The following NFATC1 variants were observed in gnomAD, a reference collection of about 807,000 sequenced individuals.
The protein encoded by NFATC1 is nuclear factor of activated T cells 1, also known as nuclear factor of activated T-cells, cytoplasmic 1.
In NFATC1, 22 loss-of-function variants were observed where a neutral mutation model predicts 76.0. The ratio of observed to expected loss-of-function variants is 0.29; its 90% CI spans 0.21 to 0.41. NFATC1 has a LOEUF of 0.41. Among genes scored for constraint, NFATC1 ranks in the 10% least tolerant of loss-of-function variants. NFATC1 has a pLI of 1.00. For synonymous variants in NFATC1, 704 were observed against 613.1 expected, an observed-to-expected ratio of 1.15 and a Z score of -2.19; for missense variants, 1,357 against 1,337.7, an observed-to-expected ratio of 1.01 and a Z score of -0.23.
At position 79,401,349 on chromosome 18, in the gene NFATC1, ACT is replaced by A. The variant is rs112008383; in HGVS notation, c.127+5003_127+5004del. On this transcript the variant is annotated intron_variant, in intron 1 of 9. Transcript: ENST00000427363. ...GGTCATATTTTCCGTATCGTTCACT[ACT>A]CTCTTTTAAAAACTCCAACGTCTTG... Among the ~76,000 whole-genome samples the A allele has an allele frequency of 6.6e-3, 1,001 of 151,984 alleles. 13 individuals are homozygous for A. Among genetic ancestry groups the A allele is most frequent in the African/African-American group, 0.023 (945 of 41,438 alleles).
At chr18:79,493,378 C>A (rs1454573735) in intron 9 of NFATC1, 1 of 152,266 alleles carries the variant, frequency 6.6e-6, no homozygotes, top group Non-Finnish European at 1.5e-5. Flanking sequence ...AAGTGGGCAC[C>A]CCTCCTCCAG....
At chr18:79,415,776 T>C (rs1040296300) in intron 2 of NFATC1, among the ~76,000 whole-genome samples, 1 of 152,082 alleles carries the variant, frequency 6.6e-6, no homozygotes, top group Admixed American at 6.5e-5. Context: ...TATTCAAATC[T>C]CTTGGCCAGG....
chr18:79,451,541 C>A, intron 5 of NFATC1, 135 bp from the exon 6 acceptor site: 1 of 938,320 alleles, frequency 1.1e-6, no homozygotes, highest in Non-Finnish European at 1.5e-6. Context: ...GTGGCATCCG[C>A]AGGGGTCGGC....
intron 1 of NFATC1, among the ~76,000 whole-genome samples, chr18:79,399,719 G>T (rs2085119976): frequency 6.6e-6 from 1 of 151,914 alleles, no homozygotes; most frequent in Non-Finnish European, 1.5e-5. Flanking sequence ...GTGTTTGGAG[G>T]CTGGGGACTC....
At position 79,411,172 on chromosome 18, in the gene NFATC1, G is replaced by A. The variant is rs375185294; in HGVS notation, c.897G>A (p.Ser299=). 88 of 1,612,030 alleles carry A rather than the reference G, an allele frequency of 5.5e-5. No homozygotes were observed. In the African/African-American group the frequency reaches 8.4e-4, roughly 15 times the overall value. The part of the protein sequence containing the change: ...GSPRVSVTDD[S]WLGNTTQYTS... ...CGCGGGTCAGCGTGACCGACGACTC[G>A]TGGTTGGGCAACACCACCCAGTACA... Residue 299 remains serine, a synonymous_variant, in exon 2 of 10, where the codon TCG becomes TCA. Coordinates refer to ENST00000427363, the MANE Select transcript of NFATC1 (RefSeq NM_001278669.2).
At chr18:79,443,036 C>G (rs908607003) in intron 3 of NFATC1, among the ~76,000 whole-genome samples, 1 of 152,222 alleles carries the variant, frequency 6.6e-6, no homozygotes, top group Non-Finnish European at 1.5e-5. Context: ...TGAAACAGCC[C>G]TTCCCGGTCA....
rs758440657 is a variant in NFATC1, at chr18:79,467,446, G to C, written c.1960-4G>C. On this transcript the variant is annotated splice_region_variant and splice_polypyrimidine_tract_variant and intron_variant, in intron 7 of 9. Coordinates refer to ENST00000427363, the MANE Select transcript of NFATC1 (RefSeq NM_001278669.2). ...TGTGCCTCCTGTGTGCCCTTCTCCT[G>C]TAGAATTCTCTGGTGGTTGAGATCC... 9 of 1,593,188 alleles carry C rather than the reference G, an allele frequency of 5.6e-6. No individual in the cohort carries two copies. The South Asian group carries it at 1.0e-4, about 18-fold the overall frequency.
chr18:79,410,003 G>A lies in NFATC1; in HGVS notation c.128-400G>A, dbSNP rs1484796928. The A allele has an allele frequency of 1.8e-6, 1 of 557,008 alleles. No individual in the cohort carries two copies. Among genetic ancestry groups the A allele is most frequent in the African/African-American group, 1.9e-5 (1 of 53,706 alleles). 34.5% of individuals were successfully genotyped at this position (557,008 alleles called of 1,614,324 possible). On this transcript the variant is annotated intron_variant, in intron 1 of 9. Transcript: ENST00000427363. The surrounding 1 kb of genome is among the most constrained non-coding windows in gnomAD (Gnocchi z 6.7). ...TTGAGGAAGGTGGTTTTTGAATGAA[G>A]AGCGGAACCCGTGAGGACCCAGTCG...
intron 6 of NFATC1, among the ~76,000 whole-genome samples, chr18:79,453,993 A>G (rs1407921764): frequency 6.6e-6 from 1 of 152,210 alleles, no homozygotes; most frequent in Admixed American, 6.5e-5. Flanking sequence ...GAGAGAAACC[A>G]CTAAACTGAA....
intron 1 of NFATC1, among the ~76,000 whole-genome samples, chr18:79,398,048 C>CT (rs772157678): frequency 7.9e-5 from 12 of 152,168 alleles, no homozygotes; most frequent in East Asian, 1.9e-4. Flanking sequence ...GGGAAGAACT[C>CT]TGAGTCCTTC....
intron 4 of NFATC1, among the ~76,000 whole-genome samples, chr18:79,450,461 A>G (rs577895397): frequency 2.7e-5 from 4 of 149,126 alleles, no homozygotes; most frequent in Non-Finnish European, 5.9e-5. Flanking sequence ...TATAATATAT[A>G]ATTATTGTAA....
chr18:79,439,905 AG>A (rs1182560184), intron 3 of NFATC1, among the ~76,000 whole-genome samples: 1 of 152,236 alleles, frequency 6.6e-6, no homozygotes, highest in Non-Finnish European at 1.5e-5. Flanking sequence ...CGGCCCAGCC[AG>A]TCACTGCTTA....
intron 8 of NFATC1, among the ~76,000 whole-genome samples, chr18:79,480,602 C>T (rs999692390): frequency 1.4e-4 from 22 of 152,090 alleles, no homozygotes; most frequent in Non-Finnish European, 3.1e-4. Flanking sequence ...GGGTTAATGC[C>T]GGTACCACCG....
intron 9 of NFATC1, among the ~76,000 whole-genome samples, chr18:79,494,111 C>T (rs112164869): frequency 4.6e-5 from 7 of 152,226 alleles, no homozygotes; most frequent in South Asian, 2.1e-4. Context: ...GAGGCTCAGA[C>T]GTCGACTCAC....
intron 6 of NFATC1, among the ~76,000 whole-genome samples, chr18:79,460,184 C>T (rs1375391055): frequency 6.6e-6 from 1 of 152,192 alleles, no homozygotes; most frequent in Non-Finnish European, 1.5e-5. Context: ...CACCCTCCAC[C>T]CAGGCAGCAG....
In NFATC1 at chr18:79,467,500, C is replaced by G. The variant is rs377750921; in HGVS notation, c.2010C>G (p.Ser670Arg). ...IPPFRNQRIT[S>R]PVHVSFYVCN... ...CATTTCGGAATCAGAGGATAACCAGCCCCGTTCACGTCAGTTTCTACGTCT... is the reference window on the plus strand; with the variant it reads ...CATTTCGGAATCAGAGGATAACCAGGCCCGTTCACGTCAGTTTCTACGTCT... The change falls in exon 8 of 10, where the codon AGC (serine) becomes AGG (arginine). Residue 670 changes from serine to arginine, a missense_variant. Around this residue, in one of 3 missense-constraint regions of NFATC1, gnomAD observed 424 missense variants for 395.4 expected, o/e 1.07. Coordinates refer to ENST00000427363, the MANE Select transcript of NFATC1 (RefSeq NM_001278669.2). The G allele has an allele frequency of 1.2e-6, 2 of 1,613,200 alleles. No individual in the cohort carries two copies. Among genetic ancestry groups the G allele is most frequent in the African/African-American group, 2.7e-5 (2 of 74,882 alleles).
At chr18:79,406,703 C>T (rs2085450775) in intron 1 of NFATC1, among the ~76,000 whole-genome samples, 1 of 152,218 alleles carries the variant, frequency 6.6e-6, no homozygotes, top group Admixed American at 6.5e-5. Flanking sequence ...GAACAGGTGG[C>T]TCGGCGTGGC....
At chr18:79,495,531 G>A (rs2089856199) in intron 9 of NFATC1, among the ~76,000 whole-genome samples, 1 of 152,252 alleles carries the variant, frequency 6.6e-6, no homozygotes, top group African/African-American at 2.4e-5. Context: ...ACTGGAGAGA[G>A]AGACATAGGG....
intron 7 of NFATC1, among the ~76,000 whole-genome samples, chr18:79,466,418 A>G (rs979626834): frequency 3.9e-5 from 6 of 152,130 alleles, no homozygotes; most frequent in African/African-American, 1.2e-4. Context: ...GGATGCCTGC[A>G]TCACCCCAGT....
Sources: gnomAD v4.1 joint callset for allele counts (sites outside exome capture counted in the v4.1 genomes callset) on GRCh38, gnomAD v4.1.1 for gene constraint, gnomAD v4.1.1 regional missense constraint, Gnocchi (gnomAD v3.1) non-coding constraint, MANE v1.5 for transcripts, NCBI Gene and HGNC (gene_info 2026-07-23, HGNC 2026-07-21) for gene names.